The following BCL2 variants were observed in gnomAD, a reference collection of about 807,000 sequenced individuals.
BCL2 encodes the protein apoptosis regulator Bcl-2.
BCL2 carries 1 observed loss-of-function variant against 14.2 expected under a neutral mutation model. The ratio of observed to expected loss-of-function variants is 0.07; its 90% CI spans 0.02 to 0.33. The LOEUF is 0.33. Among genes scored for constraint, BCL2 ranks in the 10% least tolerant of loss-of-function variants. BCL2 has a pLI of 0.99. For missense variants in BCL2, 247 were observed against 305.9 expected (o/e 0.81, Z 1.44); for synonymous variants, 151 against 137.2 (o/e 1.10, Z -0.70).
At chr18:63,166,104 C>T (rs1314231371) in intron 2 of BCL2, among the ~76,000 whole-genome samples, 1 of 152,190 alleles carries the variant, frequency 6.6e-6, no homozygotes, top group Non-Finnish European at 1.5e-5. Context: ...TGCTGGCTGG[C>T]TTCCTCGGAG....
chr18:63,175,387 T>A (rs1915329140), intron 2 of BCL2, among the ~76,000 whole-genome samples: 1 of 152,222 alleles, frequency 6.6e-6, no homozygotes, highest in Non-Finnish European at 1.5e-5. Flanking sequence ...TTCACATATA[T>A]TATTTCCAAA....
At chr18:63,190,600 T>C (rs1045434549) in intron 2 of BCL2, among the ~76,000 whole-genome samples, 2 of 152,198 alleles carry the variant, frequency 1.3e-5, no homozygotes, top group African/African-American at 4.8e-5. Flanking sequence ...AAGAAGGGAT[T>C]CTCCCTTCCT....
At chr18:63,130,640 A>C (rs1207198597) in intron 2 of BCL2, among the ~76,000 whole-genome samples, 1 of 152,224 alleles carries the variant, frequency 6.6e-6, no homozygotes, top group East Asian at 1.9e-4. Flanking sequence ...CCACATTATT[A>C]AATATAGATT....
chr18:63,254,383 T>TAAAAAAAAAAA (rs71162613), intron 2 of BCL2, among the ~76,000 whole-genome samples: 1 of 38,412 alleles, frequency 2.6e-5, no homozygotes, highest in Admixed American at 5.3e-4. Flanking sequence ...CTGTCTTTGC[T>TAAAAAAAAAAA]AAAAAAAAAA....
At position 63,128,604 on chromosome 18, in the gene BCL2, T is replaced by C. The variant is rs1913977061; in HGVS notation, c.*21A>G. 1.5e-5 allele frequency: 12 copies of C among 779,108 alleles called. No homozygotes were observed. In the East Asian group the frequency reaches 2.7e-4, roughly 17 times the overall value. 48.3% of individuals were successfully genotyped at this position (779,108 alleles called of 1,614,324 possible). On this transcript the variant is annotated 3_prime_UTR_variant, in exon 3 of 3. Coordinates refer to ENST00000333681, the MANE Select transcript of BCL2 (RefSeq NM_000633.3). ...CTTTAGTGAACCTTTTGCATATTTG[T>C]TTGGGGCAGGCATGTTGACTTCACT...
At chr18:63,187,031 C>G (rs1391869170) in intron 2 of BCL2, among the ~76,000 whole-genome samples, 1 of 152,186 alleles carries the variant, frequency 6.6e-6, no homozygotes, top group Non-Finnish European at 1.5e-5. Flanking sequence ...TTAAGCATTT[C>G]CCTGTTTTTG....
intron 2 of BCL2, among the ~76,000 whole-genome samples, chr18:63,235,446 A>G (rs1360309888): frequency 6.6e-6 from 1 of 152,236 alleles, no homozygotes; most frequent in African/African-American, 2.4e-5. Flanking sequence ...CAGCATGGAA[A>G]ATGTATAGAG....
chr18:63,229,571 G>A (rs1310063352), intron 2 of BCL2, among the ~76,000 whole-genome samples: 1 of 152,062 alleles, frequency 6.6e-6, no homozygotes, highest in Non-Finnish European at 1.5e-5. Context: ...AAAGTGTTTG[G>A]CACCTTCCCC....
chr18:63,181,472 G>A (rs1389771102), intron 2 of BCL2, among the ~76,000 whole-genome samples: 1 of 152,164 alleles, frequency 6.6e-6, no homozygotes. Context: ...AATCACCCAG[G>A]GCGCTTGGGA....
At chr18:63,174,974 C>A (rs929342799) in intron 2 of BCL2, among the ~76,000 whole-genome samples, 4 of 152,068 alleles carry the variant, frequency 2.6e-5, no homozygotes, top group African/African-American at 9.7e-5. Context: ...CCTAAGATGC[C>A]ACACTGACCC....
Position 63,127,420 on chromosome 18 carries a change from TCGTGGCTCCCATGCTCCA to T in BCL2, c.*1187_*1204del, listed in dbSNP as rs1325738644. 8.0e-5 allele frequency: 19 copies of T among 236,782 alleles called. No individual in the cohort carries two copies. The highest frequency in any genetic ancestry group is 4.2e-4 in the African/African-American group (19 of 45,264). 14.7% of individuals were successfully genotyped at this position (236,782 alleles called of 1,614,324 possible). ...ACAGTGATACATGTCTTAAGAAGGG[TCGTGGCTCCCATGCTCCA>T]CGTGAAAACGGGCCTACCTGGAGGG... On this transcript the variant is annotated 3_prime_UTR_variant, in exon 3 of 3. Coordinates refer to ENST00000333681, the MANE Select transcript of BCL2 (RefSeq NM_000633.3).
chr18:63,315,006 C>G (rs887252856), intron 2 of BCL2: 5 of 152,144 alleles, frequency 3.3e-5, no homozygotes, highest in Admixed American at 1.3e-4. Context: ...CACTATAGAT[C>G]TTTAAGGCCA....
chr18:63,276,957 G>T (rs1200020736), intron 2 of BCL2, among the ~76,000 whole-genome samples: 1 of 152,182 alleles, frequency 6.6e-6, no homozygotes, highest in African/African-American at 2.4e-5. Flanking sequence ...AGTGAAAAGG[G>T]TGTTACTAAA....
rs977883565 is a variant in BCL2, at chr18:63,262,624, G to A, written c.585+55458C>T. ...CTGGAGGATTGGGTACCTTTGCTCCGACCAGTCAGACATCCCACTATGACA... is the reference window on the plus strand; with the variant it reads ...CTGGAGGATTGGGTACCTTTGCTCCAACCAGTCAGACATCCCACTATGACA... On this transcript the variant is annotated intron_variant, in intron 2 of 2. Transcript: ENST00000333681. Among the ~76,000 whole-genome samples the A allele has an allele frequency of 7.2e-5, 11 of 152,236 alleles. No individual in the cohort carries two copies. In the East Asian group the frequency reaches 1.9e-3, roughly 27 times the overall value.
intron 2 of BCL2, among the ~76,000 whole-genome samples, chr18:63,193,398 C>G (rs1259567781): frequency 6.6e-6 from 1 of 151,916 alleles, no homozygotes; most frequent in Non-Finnish European, 1.5e-5. Flanking sequence ...TCTCTCTTCC[C>G]CTAGGCCCTG....
In BCL2 at chr18:63,203,686, G is replaced by A. The variant is rs182458494; in HGVS notation, c.586-74927C>T. Among the ~76,000 whole-genome samples the A allele has an allele frequency of 3.6e-3, 539 of 149,034 alleles. 5 individuals are homozygous for A. Among genetic ancestry groups the A allele is most frequent in the African/African-American group, 0.012 (492 of 39,830 alleles). On this transcript the variant is annotated intron_variant, in intron 2 of 2. Coordinates refer to ENST00000333681, the MANE Select transcript of BCL2 (RefSeq NM_000633.3). ...TAAATACATTCATACATATGCACACGCACACACACACACACATACACACAC... is the reference window on the plus strand; with the variant it reads ...TAAATACATTCATACATATGCACACACACACACACACACACATACACACAC...
intron 2 of BCL2, among the ~76,000 whole-genome samples, chr18:63,268,722 T>C (rs1392033998): frequency 6.6e-6 from 1 of 152,218 alleles, no homozygotes; most frequent in Non-Finnish European, 1.5e-5. Flanking sequence ...ACAGAAATAT[T>C]ATTCACAAAC....
intron 2 of BCL2, among the ~76,000 whole-genome samples, chr18:63,163,346 T>C (rs966722388): frequency 5.4e-5 from 8 of 149,192 alleles, no homozygotes; most frequent in Non-Finnish European, 7.6e-5. Flanking sequence ...TTCAGTTTTG[T>C]TTTGCTACCT....
chr18:63,316,146 T>C (rs1263533244), intron 2 of BCL2: 1 of 152,472 alleles, frequency 6.6e-6, no homozygotes, highest in Admixed American at 6.5e-5. Context: ...AAAGTGAGCC[T>C]TTACTTAAAA....
Sources: allele counts gnomAD v4.1 joint callset (sites outside exome capture counted in the v4.1 genomes callset), GRCh38; gene constraint gnomAD v4.1.1; transcripts MANE v1.5; gene names NCBI Gene and HGNC (gene_info 2026-07-23, HGNC 2026-07-21).